Variants in TLK1 observed in about 807,000 individuals in gnomAD.
TLK1 encodes serine/threonine-protein kinase tousled-like 1.
In TLK1, 24 loss-of-function variants were observed where a neutral mutation model predicts 105.3. That is an observed-to-expected ratio of 0.23 (90% CI 0.17 to 0.32). TLK1 has a LOEUF of 0.32. Among genes scored for constraint, TLK1 ranks in the 10% least tolerant of loss-of-function variants. The probability of loss-of-function intolerance (pLI) is 1.00; values close to 1 mark genes in which losing one functional copy is unlikely to be tolerated. For missense variants in TLK1, 558 were observed against 910.5 expected (o/e 0.61, Z 4.98); for synonymous variants, 321 against 310.4 (o/e 1.03, Z -0.36).
rs1158588664 is a variant in TLK1 at position 171,059,905 on chromosome 2, T to C, written c.406+1176A>G. ...GGAGGCCGAGCTTAGGCGGTAATGC[T>C]CACTGGCCCGCTGCTCACCTCCTGC... On this transcript the variant is annotated intron_variant, in intron 4 of 20. Transcript: ENST00000431350. 1.0e-5 allele frequency: 13 copies of C among 1,244,258 alleles called. No individual in the cohort carries two copies. The African/African-American group carries it at 1.9e-4, about 18-fold the overall frequency. The allele number at this position is 1,244,258 out of a possible 1,614,324, so 77.1% of individuals were successfully genotyped here.
intron 1 of TLK1, among the ~76,000 whole-genome samples, chr2:171,173,446 G>A (rs1286810951): frequency 6.6e-6 from 1 of 152,034 alleles, no homozygotes; most frequent in African/African-American, 2.4e-5. Flanking sequence ...GTAGTGCACT[G>A]GTTTCATCAC....
At chr2:171,093,813 A>G (rs902212721) in intron 2 of TLK1, among the ~76,000 whole-genome samples, 2 of 152,184 alleles carry the variant, frequency 1.3e-5, no homozygotes, top group African/African-American at 4.8e-5. Flanking sequence ...GGTAGATCTG[A>G]CAGAGATTTA....
At position 170,992,908 on chromosome 2, in the gene TLK1, TAGAAG is replaced by T. The variant is rs1254483794; in HGVS notation, c.*867_*871del. The T allele has an allele frequency of 6.6e-6, 1 of 152,660 alleles. No homozygotes were observed. The highest frequency in any genetic ancestry group is 2.4e-5 in the African/African-American group (1 of 41,464). 9.5% of individuals were successfully genotyped at this position (152,660 alleles called of 1,614,324 possible). On this transcript the variant is annotated 3_prime_UTR_variant, in exon 21 of 21. Transcript: ENST00000431350. Reference sequence around the variant, plus strand: ...TCTGTACAACAATTTACAATAGAGCTAGAAGGGAATTTATCATTATCCTGCATAGA... The same window carrying T: ...TCTGTACAACAATTTACAATAGAGCTGGAATTTATCATTATCCTGCATAGA...
intron 1 of TLK1, among the ~76,000 whole-genome samples, chr2:171,170,265 T>C (rs1225190941): frequency 6.6e-6 from 1 of 152,224 alleles, no homozygotes; most frequent in Non-Finnish European, 1.5e-5. Context: ...AGAAAAAGCA[T>C]TATTACATTA....
chr2:171,014,367 CT>C (rs78223331), intron 13 of TLK1, among the ~76,000 whole-genome samples: 339 of 142,864 alleles, frequency 2.4e-3, no homozygotes, highest in Non-Finnish European at 2.1e-3. Context: ...GAAGCAGAGA[CT>C]TTTTTTTTTT....
chr2:171,055,203 C>CAAAAAAAAAAAAAAAAAAAAACA (rs71399594), intron 6 of TLK1, 31 bp from the exon 7 acceptor site: 1 of 470,914 alleles, frequency 2.1e-6, no homozygotes, highest in Non-Finnish European at 3.1e-6. Context: ...TTTATATTAG[C>CAAAAAAAAAAAAAAAAAAAAACA]AAAAAAAAAA....
At chr2:171,122,300 G>A (rs1045864120) in intron 1 of TLK1, among the ~76,000 whole-genome samples, 4 of 152,150 alleles carry the variant, frequency 2.6e-5, no homozygotes, top group Non-Finnish European at 5.9e-5. Context: ...ATACTCAAGA[G>A]CCCCTGGTGT....
chr2:170,997,345 A>G (rs776825102), intron 19 of TLK1, among the ~76,000 whole-genome samples: 5 of 152,198 alleles, frequency 3.3e-5, no homozygotes, highest in Non-Finnish European at 7.3e-5. Flanking sequence ...AGCAACGGGG[A>G]AACTGCCCAC....
chr2:171,058,857 C>A (rs780265972), intron 4 of TLK1, among the ~76,000 whole-genome samples: 1 of 152,072 alleles, frequency 6.6e-6, no homozygotes, highest in Non-Finnish European at 1.5e-5. Context: ...ACAGAATACA[C>A]GATTTCTTCA....
At chr2:171,219,355 T>C (rs1021530806) in intron 1 of TLK1, among the ~76,000 whole-genome samples, 4 of 152,184 alleles carry the variant, frequency 2.6e-5, no homozygotes, top group Admixed American at 6.5e-5. Flanking sequence ...TTCTCTTCTG[T>C]GTGAATCGAG....
chr2:171,180,419 A>G (rs1245738955), intron 1 of TLK1, among the ~76,000 whole-genome samples: 2 of 152,186 alleles, frequency 1.3e-5, no homozygotes, highest in African/African-American at 4.8e-5. Context: ...TAAGGAGACC[A>G]ATTGTTTTCT....
intron 3 of TLK1, among the ~76,000 whole-genome samples, chr2:171,078,446 G>A (rs1688610081): frequency 6.6e-6 from 1 of 152,120 alleles, no homozygotes; most frequent in Non-Finnish European, 1.5e-5. Context: ...GCTGAGGCAG[G>A]AGAATCGCTT....
chr2:171,087,326 GT>G (rs1464231601), intron 2 of TLK1, among the ~76,000 whole-genome samples: 2 of 152,108 alleles, frequency 1.3e-5, no homozygotes, highest in Non-Finnish European at 2.9e-5. Flanking sequence ...AGAGCTGAAC[GT>G]AAATTCTACA....
chr2:171,002,773 T>A (rs1417044881), intron 18 of TLK1, among the ~76,000 whole-genome samples: 14 of 151,978 alleles, frequency 9.2e-5, no homozygotes, highest in Admixed American at 6.6e-4. Context: ...GTAGCTGGGA[T>A]TACAGGTGTG....
intron 1 of TLK1, among the ~76,000 whole-genome samples, chr2:171,124,213 G>A (rs1690777978): frequency 6.6e-6 from 1 of 152,192 alleles, no homozygotes; most frequent in South Asian, 2.1e-4. Context: ...GACAGCTTGA[G>A]AAATATATAA....
intron 1 of TLK1, among the ~76,000 whole-genome samples, chr2:171,159,986 G>GA (rs1327277411): frequency 1.3e-5 from 2 of 152,126 alleles, no homozygotes; most frequent in Non-Finnish European, 2.9e-5. Flanking sequence ...CGTCTGGGGG[G>GA]AGGCTTCCCA....
intron 1 of TLK1, among the ~76,000 whole-genome samples, chr2:171,157,940 A>T (rs77331214): frequency 0.017 from 2,618 of 152,342 alleles, 45 homozygotes; most frequent in Middle Eastern, 0.027. Flanking sequence ...AAGTTCCATT[A>T]ATATTAACGG....
chr2:171,014,034 G>A (rs916484908), intron 13 of TLK1, among the ~76,000 whole-genome samples: 2 of 152,212 alleles, frequency 1.3e-5, no homozygotes, highest in Non-Finnish European at 2.9e-5. Flanking sequence ...CAGACTGTAA[G>A]CTGTACTTTT....
chr2:171,023,031 ATGC>A, intron 12 of TLK1: 1 of 470,850 alleles, frequency 2.1e-6, no homozygotes, highest in Non-Finnish European at 4.4e-6. Context: ...ATTAATACTG[ATGC>A]TGCTGCTGCC....
Sources: allele counts gnomAD v4.1 joint callset (sites outside exome capture counted in the v4.1 genomes callset), GRCh38; gene constraint gnomAD v4.1.1; transcripts MANE v1.5; gene names NCBI Gene and HGNC (gene_info 2026-07-23, HGNC 2026-07-21).